Variants in SAMTOR observed in about 807,000 individuals in gnomAD.
SAMTOR encodes the protein S-adenosylmethionine sensor upstream of mTORC1.
At chr7:112,841,628 T>G in the SAMTOR span, among the ~76,000 whole-genome samples, 1 of 152,064 alleles carries the variant, frequency 6.6e-6, no homozygotes, top group Non-Finnish European at 1.5e-5. Context: ...AAGACAATCC[T>G]AAACAAAAAG....
the SAMTOR span, among the ~76,000 whole-genome samples, chr7:112,920,872 A>T: frequency 6.6e-6 from 1 of 152,174 alleles, no homozygotes; most frequent in African/African-American, 2.4e-5. Context: ...TAAAATACCT[A>T]GGAATCCAAC....
At chr7:112,886,149 T>A in the SAMTOR span, among the ~76,000 whole-genome samples, 1 of 152,108 alleles carries the variant, frequency 6.6e-6, no homozygotes, top group Non-Finnish European at 1.5e-5. Flanking sequence ...ACCACCCCCA[T>A]GATTTAATTA....
the SAMTOR span, among the ~76,000 whole-genome samples, chr7:112,833,598 T>C: frequency 3.9e-5 from 6 of 152,186 alleles, no homozygotes; most frequent in South Asian, 2.1e-4. Context: ...TTCTGTAGTA[T>C]AGATTCTAGT....
the SAMTOR span, among the ~76,000 whole-genome samples, chr7:112,830,132 G>A: frequency 1.9e-3 from 293 of 151,898 alleles, no homozygotes; most frequent in Admixed American, 5.1e-3. Context: ...ACTCTGCTTG[G>A]GTTTCTCCCT....
chr7:112,939,477 G>A, the SAMTOR span: 6 of 1,490,026 alleles, frequency 4.0e-6, no homozygotes, highest in African/African-American at 1.4e-5. Context: ...GCGGCTGGGG[G>A]GACGTGCAGA....
chr7:112,831,387 T>C, the SAMTOR span, among the ~76,000 whole-genome samples: 6 of 152,342 alleles, frequency 3.9e-5, no homozygotes, highest in South Asian at 4.1e-4. Flanking sequence ...CTGGGTGCAG[T>C]AGCTCATGCC....
At chr7:112,928,211 A>G in the SAMTOR span, among the ~76,000 whole-genome samples, 1 of 152,034 alleles carries the variant, frequency 6.6e-6, no homozygotes, top group African/African-American at 2.4e-5. Context: ...GCGCAGCTCT[A>G]AAACAGTTCC....
At chr7:112,882,450 G>A in the SAMTOR span, among the ~76,000 whole-genome samples, 176 of 152,290 alleles carry the variant, frequency 1.2e-3, 1 homozygote, top group African/African-American at 4.2e-3. Flanking sequence ...CAGCACTTTG[G>A]GAGGCCGAGG....
chr7:112,919,494 C>T, the SAMTOR span, among the ~76,000 whole-genome samples: 10 of 151,708 alleles, frequency 6.6e-5, no homozygotes, highest in Non-Finnish European at 1.3e-4. Context: ...CAAGAGAAAG[C>T]AGGAAAGATC....
chr7:112,884,394 G>A, the SAMTOR span, among the ~76,000 whole-genome samples: 2 of 152,120 alleles, frequency 1.3e-5, no homozygotes, highest in Non-Finnish European at 2.9e-5. Context: ...CTGAGACAAG[G>A]CAAGTCCCTT....
At chr7:112,867,163 T>C in the SAMTOR span, among the ~76,000 whole-genome samples, 3 of 152,218 alleles carry the variant, frequency 2.0e-5, no homozygotes, top group Non-Finnish European at 4.4e-5. Flanking sequence ...AAATGAAAAT[T>C]AAAATAGTGT....
chr7:112,865,494 T>A, the SAMTOR span, among the ~76,000 whole-genome samples: 1 of 151,918 alleles, frequency 6.6e-6, no homozygotes, highest in Non-Finnish European at 1.5e-5. Context: ...GCCAGGATGG[T>A]CTCAATCTCC....
the SAMTOR span, among the ~76,000 whole-genome samples, chr7:112,931,316 A>C: frequency 2.0e-5 from 3 of 151,790 alleles, no homozygotes; most frequent in East Asian, 3.8e-4. Context: ...AAAAAAAAAA[A>C]CACAACAAAA....
At chr7:112,923,849 A>C in the SAMTOR span, among the ~76,000 whole-genome samples, 12 of 152,184 alleles carry the variant, frequency 7.9e-5, no homozygotes, top group Admixed American at 5.2e-4. Context: ...TACACCATGG[A>C]ATACTATGCC....
the SAMTOR span, among the ~76,000 whole-genome samples, chr7:112,877,464 T>C: frequency 3.9e-5 from 6 of 152,198 alleles, no homozygotes; most frequent in African/African-American, 9.6e-5. Flanking sequence ...TTAGAACGTA[T>C]AGGTGAAATA....
At chr7:112,920,560 C>T in the SAMTOR span, among the ~76,000 whole-genome samples, 39 of 150,196 alleles carry the variant, frequency 2.6e-4, no homozygotes, top group Non-Finnish European at 2.5e-4. Context: ...TGCCCTCTCT[C>T]ACCACTCTTA....
At chr7:112,916,928 C>T in the SAMTOR span, among the ~76,000 whole-genome samples, 1 of 152,208 alleles carries the variant, frequency 6.6e-6, no homozygotes, top group East Asian at 1.9e-4. Flanking sequence ...CTTAGGTAAA[C>T]AAAGCAGCAG....
chr7:112,861,912 C>T, the SAMTOR span, among the ~76,000 whole-genome samples: 26 of 152,188 alleles, frequency 1.7e-4, no homozygotes, highest in South Asian at 5.4e-3. Context: ...TTTATGATTC[C>T]ATCCTATTCT....
At chr7:112,824,468 C>G in the SAMTOR span, among the ~76,000 whole-genome samples, 1,927 of 152,158 alleles carry the variant, frequency 0.013, 38 homozygotes, top group African/African-American at 0.043. Context: ...TCAAGTGATT[C>G]TCCTGCCTCA....
Sources: gnomAD v4.1 joint callset for allele counts (sites outside exome capture counted in the v4.1 genomes callset) on GRCh38, gnomAD v4.1.1 for gene constraint, MANE v1.5 for transcripts, NCBI Gene and HGNC (gene_info 2026-07-23, HGNC 2026-07-21) for gene names.